The following LRRIQ1 variants were observed in gnomAD, a reference collection of about 807,000 sequenced individuals.
The protein encoded by LRRIQ1 is leucine rich repeats and IQ motif containing 1.
LRRIQ1 carries 210 observed loss-of-function variants against 211.9 expected under a neutral mutation model. The ratio of observed to expected loss-of-function variants is 0.99; its 90% CI spans 0.89 to 1.11. The LOEUF (loss-of-function observed/expected upper bound fraction) is 1.11. Ranked by LOEUF, LRRIQ1 falls within the 50% of genes most tolerant of loss-of-function variation. LRRIQ1 has a pLI of 0.00. For missense variants in LRRIQ1, 2,136 were observed against 1,939.5 expected (o/e 1.10, Z -1.90); for synonymous variants, 699 against 650.1 (o/e 1.08, Z -1.14).
In LRRIQ1 at chr12:85,126,482, C is replaced by G. The variant is rs371958978; in HGVS notation, c.4008-1350C>G. Among the ~76,000 whole-genome samples, 128 of 152,032 alleles carry G rather than the reference C, an allele frequency of 8.4e-4. 4 individuals carry two copies. The South Asian group carries it at 0.026, about 31-fold the overall frequency. On this transcript the variant is annotated intron_variant, in intron 17 of 26. Transcript: ENST00000393217. ...TGAAATCCCCTAATCCATTTTTGTT[C>G]AAAAGATGAAGTAATGAATGGATGA...
intron 11 of LRRIQ1, among the ~76,000 whole-genome samples, chr12:85,087,321 A>G (rs946142192): frequency 2.0e-5 from 3 of 151,976 alleles, no homozygotes; most frequent in South Asian, 4.1e-4. Flanking sequence ...TATGTGCCAC[A>G]TTTTCTTAAT....
intron 24 of LRRIQ1, among the ~76,000 whole-genome samples, chr12:85,213,703 T>C (rs1413627989): frequency 6.6e-6 from 1 of 151,920 alleles, no homozygotes; most frequent in African/African-American, 2.4e-5. Flanking sequence ...AATCATTTTA[T>C]TGGAAGTTAA....
intron 8 of LRRIQ1, among the ~76,000 whole-genome samples, chr12:85,060,726 T>A (rs1881693281): frequency 6.6e-6 from 1 of 151,886 alleles, no homozygotes; most frequent in African/African-American, 2.4e-5. Flanking sequence ...ATTGGACCAC[T>A]GAATAAATGT....
chr12:85,246,672 A>T (rs995464133), downstream of LRRIQ1, among the ~76,000 whole-genome samples: 1 of 151,480 alleles, frequency 6.6e-6, no homozygotes, highest in Non-Finnish European at 1.5e-5. Context: ...AAATAATGCA[A>T]TTCTCACTGT....
At chr12:85,085,540 G>T (rs1274717587) in intron 11 of LRRIQ1, among the ~76,000 whole-genome samples, 6 of 152,164 alleles carry the variant, frequency 3.9e-5, no homozygotes, top group Non-Finnish European at 8.8e-5. Flanking sequence ...CCTTTACCCA[G>T]ATAGTGAGCA....
At chr12:85,227,587 C>A (rs2137167455) in intron 24 of LRRIQ1, among the ~76,000 whole-genome samples, 1 of 152,158 alleles carries the variant, frequency 6.6e-6, no homozygotes, top group East Asian at 1.9e-4. Flanking sequence ...GTGAAAATGG[C>A]CATACTGCCC....
intron 1 of LRRIQ1, among the ~76,000 whole-genome samples, chr12:85,250,138 A>C (rs1895861208): frequency 6.6e-6 from 1 of 151,840 alleles, no homozygotes; most frequent in South Asian, 2.1e-4. Context: ...GGAAGGATGA[A>C]TATTGTCATT....
chr12:85,098,189 A>C (rs2136275762), intron 11 of LRRIQ1, among the ~76,000 whole-genome samples, 166 bp from the exon 12 acceptor site: 1 of 152,256 alleles, frequency 6.6e-6, no homozygotes, highest in Middle Eastern at 3.4e-3. Flanking sequence ...AAATAATAAC[A>C]CAGTTTACAA....
At chr12:85,189,986 TATTA>T (rs1892417984) in intron 24 of LRRIQ1, among the ~76,000 whole-genome samples, 1 of 126,928 alleles carries the variant, frequency 7.9e-6, no homozygotes, top group African/African-American at 3.9e-5. Flanking sequence ...TATAACAGTA[TATTA>T]TATTATATAT....
intron 24 of LRRIQ1, among the ~76,000 whole-genome samples, chr12:85,228,514 G>A (rs1894779027): frequency 6.6e-6 from 1 of 152,144 alleles, no homozygotes; most frequent in Admixed American, 6.5e-5. Context: ...CAGAGTTTTA[G>A]ATACCCAAAG....
chr12:85,201,554 G>T (rs75175693), intron 24 of LRRIQ1, among the ~76,000 whole-genome samples: 2,177 of 151,912 alleles, frequency 0.014, 47 homozygotes, highest in African/African-American at 0.048. Flanking sequence ...ATTTCCTGTA[G>T]GTTTTCTAGT....
chr12:85,191,647 T>A (rs1892516290), intron 24 of LRRIQ1, among the ~76,000 whole-genome samples: 1 of 152,036 alleles, frequency 6.6e-6, no homozygotes, highest in Non-Finnish European at 1.5e-5. Flanking sequence ...AAAATTTTTG[T>A]GAGTGCACAC....
rs1881009609 is a variant in LRRIQ1, at chr12:85,056,042, A to G, written c.1249A>G (p.Asn417Asp). 4 of 1,601,658 alleles carry G rather than the reference A, an allele frequency of 2.5e-6. No individual in the cohort carries two copies. Among genetic ancestry groups the G allele is most frequent in the Non-Finnish European group, 3.4e-6 (4 of 1,176,534 alleles). Reference sequence around the variant, plus strand: ...ACATTTAAGTCTTGAAGATATTTCAAATGATAAGGGTGATATAGCCAAAAA... The same window carrying G: ...ACATTTAAGTCTTGAAGATATTTCAGATGATAAGGGTGATATAGCCAAAAA... ...NKHLSLEDIS[N>D]DKGDIAKNLV... Residue 417 changes from asparagine (N) to aspartate (D), a missense_variant, in exon 8 of 27, where the codon AAT becomes GAT. Physicochemically the swap from Asn to Asp is conservative, Grantham distance 23. Coordinates refer to ENST00000393217, the MANE Select transcript of LRRIQ1 (RefSeq NM_001079910.2).
intron 24 of LRRIQ1, among the ~76,000 whole-genome samples, chr12:85,204,363 C>T (rs1389715093): frequency 2.0e-5 from 3 of 152,204 alleles, no homozygotes; most frequent in African/African-American, 7.2e-5. Flanking sequence ...CACAGAGCCC[C>T]TACTGGGGCA....
intron 11 of LRRIQ1, among the ~76,000 whole-genome samples, chr12:85,095,905 T>C (rs1169871283): frequency 6.6e-6 from 1 of 152,196 alleles, no homozygotes; most frequent in Admixed American, 6.6e-5. Flanking sequence ...CAAGAATTTA[T>C]CTACTTCCTG....
intron 15 of LRRIQ1, among the ~76,000 whole-genome samples, chr12:85,117,159 G>A (rs1179067798): frequency 2.0e-5 from 3 of 152,114 alleles, no homozygotes; most frequent in Admixed American, 6.5e-5. Context: ...CTTTCTTGAG[G>A]GATATAGAGA....
At position 85,124,406 on chromosome 12, in the gene LRRIQ1, G is replaced by A. The variant is rs758320651; in HGVS notation, c.3894G>A (p.Lys1298=). Residue 1298 remains lysine (K), a synonymous_variant, in exon 17 of 27, where the codon AAG becomes AAA. Transcript: ENST00000393217. ...GRHQEILVCQ[K]REDSKASSIP... is the part of the protein sequence containing the mutation. The stretch of plus-strand genomic sequence containing the variant: ...ATCAGGAAATATTAGTATGTCAGAA[G>A]AGAGAAGACAGCAAGGCAAGCAGTA... 1 of 1,614,050 alleles carries A rather than the reference G, an allele frequency of 6.2e-7. No homozygotes were observed. Among genetic ancestry groups the A allele is most frequent in the South Asian group, 1.1e-5 (1 of 91,082 alleles).
intron 8 of LRRIQ1, among the ~76,000 whole-genome samples, chr12:85,064,680 A>C (rs1027748136): frequency 1.3e-5 from 2 of 151,714 alleles, no homozygotes; most frequent in African/African-American, 2.4e-5. Context: ...AGTATGTTTA[A>C]TCTATTTTAA....
chr12:85,223,569 A>C (rs949213246), intron 24 of LRRIQ1, among the ~76,000 whole-genome samples: 2 of 152,198 alleles, frequency 1.3e-5, no homozygotes, highest in African/African-American at 2.4e-5. Flanking sequence ...CTTATATCTC[A>C]TGCAGTTTAT....
Sources: allele counts gnomAD v4.1 joint callset (sites outside exome capture counted in the v4.1 genomes callset), GRCh38; gene constraint gnomAD v4.1.1; transcripts MANE v1.5; gene names NCBI Gene and HGNC (gene_info 2026-07-23, HGNC 2026-07-21).